RUNX1: variants seen among roughly 807,000 people sequenced by gnomAD.
The protein encoded by RUNX1 is RUNX family transcription factor 1.
RUNX1 carries 19 observed loss-of-function variants against 42.8 expected under a neutral mutation model. The observed-to-expected ratio is 0.44, with a 90% CI of 0.31 to 0.65. The LOEUF (loss-of-function observed/expected upper bound fraction) is 0.65, where lower values mean the gene tolerates loss of function less well. RUNX1 is among the 30% of genes least tolerant of loss of function. The pLI is 0.07. For synonymous variants in RUNX1, 271 were observed against 289.4 expected, an observed-to-expected ratio of 0.94 and a Z score of 0.64; for missense variants, 528 against 672.0, an observed-to-expected ratio of 0.79 and a Z score of 2.37.
chr21:34,910,379 A>C (rs2058262461), intron 2 of RUNX1, among the ~76,000 whole-genome samples: 1 of 148,926 alleles, frequency 6.7e-6, no homozygotes, highest in East Asian at 2.0e-4. Context: ...TAATTTTCAG[A>C]ACTGTTTTTT....
chr21:34,980,182 C>T (rs1259726690), intron 2 of RUNX1, among the ~76,000 whole-genome samples: 1 of 152,252 alleles, frequency 6.6e-6, no homozygotes, highest in Non-Finnish European at 1.5e-5. Flanking sequence ...CCCACTGAGT[C>T]TCAGTCTCTT....
chr21:34,953,168 C>T (rs138294068), intron 2 of RUNX1, among the ~76,000 whole-genome samples: 47 of 151,508 alleles, frequency 3.1e-4, no homozygotes, highest in African/African-American at 1.1e-3. Flanking sequence ...CATTATTATG[C>T]GTCTACGTGA....
intron 7 of RUNX1, among the ~76,000 whole-genome samples, chr21:34,804,704 G>T (rs1467733191): frequency 6.6e-6 from 1 of 151,154 alleles, no homozygotes; most frequent in Non-Finnish European, 1.5e-5. Context: ...AAGACAAGGT[G>T]CAAGAAGAGA....
intron 7 of RUNX1, among the ~76,000 whole-genome samples, chr21:34,818,642 C>T (rs965687917): frequency 6.6e-6 from 1 of 152,224 alleles, no homozygotes; most frequent in African/African-American, 2.4e-5. Flanking sequence ...ACCAGCCCTC[C>T]AGTAATACCA....
chr21:34,795,552 T>G (rs1249973837), intron 8 of RUNX1, among the ~76,000 whole-genome samples: 1 of 152,192 alleles, frequency 6.6e-6, no homozygotes, highest in Non-Finnish European at 1.5e-5. Context: ...GAGTCTGACT[T>G]TCAAACAAAC....
chr21:34,828,424 G>A (rs368514191), intron 7 of RUNX1, among the ~76,000 whole-genome samples: 5 of 152,272 alleles, frequency 3.3e-5, no homozygotes, highest in African/African-American at 1.2e-4. Flanking sequence ...ATGTTTCCTT[G>A]CATCTCACCC....
At chr21:34,870,287 C>T (rs951898208) in intron 5 of RUNX1, among the ~76,000 whole-genome samples, 2 of 152,226 alleles carry the variant, frequency 1.3e-5, no homozygotes, top group Non-Finnish European at 2.9e-5. Flanking sequence ...CAACTCCTAA[C>T]CTATGTCTTG....
At chr21:34,871,371 A>G (rs2057735053) in intron 5 of RUNX1, among the ~76,000 whole-genome samples, 1 of 152,200 alleles carries the variant, frequency 6.6e-6, no homozygotes, top group Non-Finnish European at 1.5e-5. Flanking sequence ...GCGTTGCTCT[A>G]CTGTAGGGAG....
At chr21:35,041,111 C>T (rs2059355835) in intron 2 of RUNX1, among the ~76,000 whole-genome samples, 1 of 152,148 alleles carries the variant, frequency 6.6e-6, no homozygotes, top group Non-Finnish European at 1.5e-5. Context: ...TTTCATTCTC[C>T]ATTCGAGACT....
chr21:34,934,129 G>A (rs2146606629), intron 2 of RUNX1, among the ~76,000 whole-genome samples: 1 of 152,280 alleles, frequency 6.6e-6, no homozygotes. Context: ...TCCTGAGAGA[G>A]CAAAGGCTTA....
chr21:35,045,330 T>G (rs1415913640), intron 2 of RUNX1, among the ~76,000 whole-genome samples: 1 of 152,182 alleles, frequency 6.6e-6, no homozygotes, highest in African/African-American at 2.4e-5. Context: ...AGTTTCCTTG[T>G]GGGCCAGGGT....
At chr21:35,015,012 G>A (rs1010079710) in intron 2 of RUNX1, among the ~76,000 whole-genome samples, 4 of 152,260 alleles carry the variant, frequency 2.6e-5, no homozygotes, top group Non-Finnish European at 5.9e-5. Flanking sequence ...AAGGAAGGGA[G>A]TGCACTCAAC....
Position 34,916,632 on chromosome 21 carries a change from A to G in RUNX1, c.59-23669T>C, listed in dbSNP as rs144371541. Among the ~76,000 whole-genome samples, 381 of 152,214 alleles carry G rather than the reference A, an allele frequency of 2.5e-3. 2 individuals are homozygous for G. The highest frequency in any genetic ancestry group is 8.8e-3 in the African/African-American group (366 of 41,536). ...ACTAGATTGAGTCTGGAAAGAGTGC[A>G]GGGTTTAGACAGGCAAAAATGGGAA... On this transcript the variant is annotated intron_variant, in intron 2 of 8. Coordinates refer to ENST00000675419, the MANE Select transcript of RUNX1 (RefSeq NM_001754.5).
At chr21:35,038,595 CTCTCTCTCTCTCTCTCTCTGTG>C (rs1232725777) in intron 2 of RUNX1, 7 of 392,656 alleles carry the variant, frequency 1.8e-5, no homozygotes, top group Non-Finnish European at 3.7e-5. Flanking sequence ...CTCTCTCTCT[CTCTCTCTCTCTCTCTCTCTGTG>C]TGTGTGTGTG....
intron 7 of RUNX1, among the ~76,000 whole-genome samples, chr21:34,808,854 T>C (rs1052577700): frequency 6.6e-6 from 1 of 152,108 alleles, no homozygotes; most frequent in Non-Finnish European, 1.5e-5. Context: ...GGTCACTAGC[T>C]TCCAGAAAAG....
Position 34,856,366 on chromosome 21 carries a change from G to A in RUNX1, c.613+3108C>T, listed in dbSNP as rs375138672. ...TGCCCTTCTATAATAGACAGTCTTC[G>A]AGATGAGCCAAATATGCCAGCCAAT... On this transcript the variant is annotated intron_variant, in intron 6 of 8. Coordinates refer to ENST00000675419, the MANE Select transcript of RUNX1 (RefSeq NM_001754.5). The A allele has an allele frequency of 3.5e-4, 180 of 519,018 alleles. 1 individual carries two copies. The highest frequency in any genetic ancestry group is 1.1e-3 in the East Asian group (21 of 18,360). The allele number at this position is 519,018 out of a possible 1,614,324, so 32.2% of individuals were successfully genotyped here. A position where few individuals can be genotyped will look rare whatever the true frequency, so the allele number is the denominator to read the frequency against.
At chr21:34,865,279 CGTGTGTGTGTGTGTGTGTGTGTGTGTGT>C (rs61238560) in intron 5 of RUNX1, among the ~76,000 whole-genome samples, 67 of 132,472 alleles carry the variant, frequency 5.1e-4, no homozygotes, top group South Asian at 1.1e-3. Flanking sequence ...GGGTTTTGTG[CGTGTGTGTGTGTGTGTGTGTGTGTGTGT>C]GTGTGTGTGT....
chr21:35,038,995 T>C (rs57214149), intron 2 of RUNX1, among the ~76,000 whole-genome samples: 22,629 of 152,082 alleles, frequency 0.15, 1,876 homozygotes, highest in African/African-American at 0.23. Context: ...GTGCTGGATT[T>C]TGGGGAAGAG....
At chr21:35,006,970 A>T (rs1188569401) in intron 2 of RUNX1, among the ~76,000 whole-genome samples, 1 of 152,140 alleles carries the variant, frequency 6.6e-6, no homozygotes, top group Non-Finnish European at 1.5e-5. Context: ...CCTCTCTAGG[A>T]GGTACCTTAG....
Sources: gnomAD v4.1 joint callset for allele counts (sites outside exome capture counted in the v4.1 genomes callset) on GRCh38, gnomAD v4.1.1 for gene constraint, MANE v1.5 for transcripts, NCBI Gene and HGNC (gene_info 2026-07-23, HGNC 2026-07-21) for gene names.